Variants in ADGRG4 observed in about 807,000 individuals in gnomAD.
ADGRG4 encodes the protein G protein-coupled receptor 112.
Under a neutral mutation model 126.2 loss-of-function variants are expected in ADGRG4, and 122 were observed. That is an observed-to-expected ratio of 0.97 (90% CI 0.83 to 1.12). ADGRG4 has a LOEUF of 1.12. ADGRG4 is among the 50% of genes most tolerant of loss of function. The pLI is 0.00. For synonymous variants in ADGRG4, 943 were observed against 838.7 expected (o/e 1.12, Z -2.15); for missense variants, 2,481 against 2,251.8 (o/e 1.10, Z -2.06).
Position 136,414,298 on chromosome X carries a change from G to A in ADGRG4, c.9176G>A (p.Gly3059Asp), listed in dbSNP as rs143369904. 4.5e-3 allele frequency: 5,441 copies of A among 1,200,880 alleles called. 144 individuals carry two copies. The African/African-American group carries it at 0.082, about 18-fold the overall frequency. ...STFKSLGSAQ[G>D]TPSEISFPND... ...TTCAAATCTTTAGGCTCTGCACAAGGCACACCTTCAGAAATAAGCTTTCCA... is the reference window on the plus strand; with the variant it reads ...TTCAAATCTTTAGGCTCTGCACAAGACACACCTTCAGAAATAAGCTTTCCA... Residue 3059 changes from glycine to aspartate, a missense_variant, in exon 25 of 26, where the codon GGC becomes GAC. By Grantham distance (94) the Gly-to-Asp change is moderately conservative. Coordinates refer to ENST00000394143, the MANE Select transcript of ADGRG4 (RefSeq NM_153834.4).
intron 5 of ADGRG4, among the ~76,000 whole-genome samples, chrX:136,329,641 G>T (rs1246534339): frequency 9.2e-6 from 1 of 108,440 alleles, no homozygotes. Flanking sequence ...TTCAGTCATT[G>T]CTCAAGCACA....
chrX:136,345,026 T>C lies in ADGRG4; in HGVS notation c.1320T>C (p.Ser440=). The change falls in exon 6 of 26, where the codon TCT becomes TCC. Residue 440 remains serine (S), a synonymous_variant. Transcript: ENST00000394143. The stretch of plus-strand genomic sequence containing the variant: ...CAGCTGGCCAGGAGTTCATTGAATC[T>C]ACAGCTGCCGGAACTGTACCTTGGT... The part of the protein sequence containing the change: ...ISTAGQEFIE[S]TAAGTVPWFT... 1.7e-6 allele frequency: 2 copies of C among 1,211,572 alleles called. No individual in the cohort carries two copies. The highest frequency in any genetic ancestry group is 2.2e-6 in the Non-Finnish European group (2 of 895,289).
chrX:136,392,007 G>T (rs952300207), intron 16 of ADGRG4, among the ~76,000 whole-genome samples: 3 of 112,185 alleles, frequency 2.7e-5, no homozygotes, highest in Admixed American at 1.9e-4. Context: ...ATACACATTT[G>T]GTTGGATGGA....
chrX:136,346,452 G>T lies in ADGRG4; in HGVS notation c.2746G>T (p.Val916Leu). The change falls in exon 6 of 26, where the codon GTG becomes TTG. Residue 916 changes from valine to leucine, a missense_variant. Val to Leu is a conservative substitution (Grantham distance 32). Transcript: ENST00000394143. ...VRESWLLTKLVKTTPRSSYNE... is the reference protein window; with the variant it reads ...VRESWLLTKLLKTTPRSSYNE... ...AGAAAGTTGGCTTTTGACAAAATTG[G>T]TGAAAACCACACCTAGGAGTTCATA... 1 of 1,211,307 alleles carries T rather than the reference G, an allele frequency of 8.3e-7. No individual in the cohort carries two copies. Among genetic ancestry groups the T allele is most frequent in the Non-Finnish European group, 1.1e-6 (1 of 895,164 alleles).
intron 13 of ADGRG4, among the ~76,000 whole-genome samples, chrX:136,366,259 A>T (rs999815447): frequency 8.9e-6 from 1 of 112,170 alleles, no homozygotes; most frequent in Non-Finnish European, 1.9e-5. Flanking sequence ...TGCTCTTTCC[A>T]GAAGGCCATA....
At position 136,350,054 on chromosome X, in the gene ADGRG4, C is replaced by T. The variant is rs1166264332; in HGVS notation, c.6348C>T (p.Asn2116=). ...EASSRTTITA[N]PRTVSHPSSF... ...CCTCCAGAACCACAATAACTGCCAA[C>T]CCCAGGACTGTGTCTCATCCTTCAT... Residue 2116 remains asparagine (N), a synonymous_variant, in exon 6 of 26, where the codon AAC becomes AAT. Transcript: ENST00000394143. The T allele has an allele frequency of 1.7e-6, 2 of 1,208,983 alleles. No individual in the cohort carries two copies. Among genetic ancestry groups the T allele is most frequent in the African/African-American group, 1.8e-5 (1 of 56,973 alleles).
rs1288347454 is a variant in ADGRG4 at position 136,308,774 on chromosome X, G to C, written c.-4G>C. ...TTTTGACTTTTTAAACACAGACTTA[G>C]ACAATGAAAGAACACATCATATATC... On this transcript the variant is annotated 5_prime_UTR_variant, in exon 4 of 26. Transcript: ENST00000394143. 4 of 1,130,843 alleles carry C rather than the reference G, an allele frequency of 3.5e-6. No homozygotes were observed. In the Admixed American group the frequency reaches 6.7e-5, roughly 19 times the overall value. The allele number at this position is 1,130,843 out of a possible 1,213,427, so 93.2% of individuals were successfully genotyped here. A position where few individuals can be genotyped will look rare whatever the true frequency, so the allele number is the denominator to read the frequency against.
intron 15 of ADGRG4, among the ~76,000 whole-genome samples, chrX:136,380,160 G>C (rs926208656): frequency 1.3e-5 from 1 of 75,010 alleles, no homozygotes; most frequent in Non-Finnish European, 2.7e-5. Flanking sequence ...CAATAAAGCT[G>C]TTACCAAAAA....
rs752693069 is a variant in ADGRG4, at chrX:136,416,665, T to A, written c.*174T>A. On this transcript the variant is annotated 3_prime_UTR_variant, in exon 26 of 26. Transcript: ENST00000394143. ...TGTTCCACCAAAACCTATGGAAATT[T>A]AAAAAAAACAAAAATAAAAAGCAAA... 109 of 315,322 alleles carry A rather than the reference T, an allele frequency of 3.5e-4. No homozygotes were observed. The highest frequency in any genetic ancestry group is 1.8e-3 in the South Asian group (11 of 6,254). 26.0% of individuals were successfully genotyped at this position (315,322 alleles called of 1,213,427 possible).
chrX:136,319,126 C>A (rs776548754), intron 4 of ADGRG4, among the ~76,000 whole-genome samples: 2 of 112,462 alleles, frequency 1.8e-5, no homozygotes, highest in African/African-American at 6.5e-5. Context: ...CCTTGAGAGG[C>A]GCGGCAGAGA....
At chrX:136,413,378 G>C (rs1191001231) in intron 24 of ADGRG4, among the ~76,000 whole-genome samples, 2 of 109,951 alleles carry the variant, frequency 1.8e-5, no homozygotes, top group African/African-American at 6.6e-5. Context: ...TGAGAATGAT[G>C]ATTTCCAATT....
At chrX:136,412,911 T>C (rs760995729) in intron 24 of ADGRG4, among the ~76,000 whole-genome samples, 25 of 111,847 alleles carry the variant, frequency 2.2e-4, no homozygotes, top group African/African-American at 7.1e-4. Flanking sequence ...TGCTGTTCTA[T>C]GTATCAAAAG....
At chrX:136,338,651 G>A (rs1174449529) in intron 5 of ADGRG4, among the ~76,000 whole-genome samples, 2 of 111,786 alleles carry the variant, frequency 1.8e-5, no homozygotes, top group Non-Finnish European at 3.8e-5. Context: ...TTTATATGAT[G>A]ATTGCTTTAA....
intron 23 of ADGRG4, among the ~76,000 whole-genome samples, chrX:136,410,062 A>G (rs1465977317): frequency 1.8e-5 from 2 of 112,414 alleles, no homozygotes; most frequent in African/African-American, 6.5e-5. Context: ...GCCATATACT[A>G]ATTGCTAAAT....
intron 25 of ADGRG4, 83 bp downstream of exon 25, chrX:136,414,410 A>G (rs1221914784): frequency 1.2e-6 from 1 of 802,307 alleles, no homozygotes; most frequent in Non-Finnish European, 1.8e-6. Context: ...GTCTTGGATG[A>G]TACTTCCTCT....
Position 136,347,302 on chromosome X carries a change from G to A in ADGRG4, c.3596G>A (p.Ser1199Asn). The A allele has an allele frequency of 8.3e-7, 1 of 1,211,024 alleles. No homozygotes were observed. The highest frequency in any genetic ancestry group is 1.1e-6 in the Non-Finnish European group (1 of 895,054). ...TTCAGTGGTGGTGGAGTTGTTGCCA[G>A]CTTGGCTACTGGCACCACAGAGACC... is the stretch of plus-strand genomic sequence containing the variant. ...YTFSGGGVVA[S>N]LATGTTETSV... The change falls in exon 6 of 26, where the codon AGC becomes AAC. Residue 1199 changes from serine (S) to asparagine (N), a missense_variant. By Grantham distance (46) the Ser-to-Asn change is conservative. Transcript: ENST00000394143.
chrX:136,336,729 T>A (rs1003223425), intron 5 of ADGRG4, among the ~76,000 whole-genome samples: 8 of 112,215 alleles, frequency 7.1e-5, no homozygotes, highest in Non-Finnish European at 1.5e-4. Flanking sequence ...ACCTATATGA[T>A]GATATTCAAA....
chrX:136,314,776 T>C (rs1268173132), intron 4 of ADGRG4, among the ~76,000 whole-genome samples: 1 of 112,270 alleles, frequency 8.9e-6, no homozygotes, highest in African/African-American at 3.2e-5. Context: ...AGGGACCTTG[T>C]GTGTTATGTC....
intron 10 of ADGRG4, 31 bp downstream of exon 10, chrX:136,357,787 C>T: frequency 3.0e-6 from 3 of 991,785 alleles, no homozygotes; most frequent in Non-Finnish European, 4.2e-6. Context: ...TTATTAATAG[C>T]TGGCACATTT....
Sources: allele counts gnomAD v4.1 joint callset (sites outside exome capture counted in the v4.1 genomes callset), GRCh38; gene constraint gnomAD v4.1.1; transcripts MANE v1.5; gene names NCBI Gene and HGNC (gene_info 2026-07-23, HGNC 2026-07-21).